CPAMD8: variants seen among roughly 807,000 people sequenced by gnomAD.
CPAMD8 encodes C3 and PZP like alpha-2-macroglobulin domain containing 8, also known as C3 and PZP-like alpha-2-macroglobulin domain-containing protein 8.
Under a neutral mutation model 224.7 loss-of-function variants are expected in CPAMD8, and 146 were observed. The observed-to-expected ratio is 0.65, with a 90% CI of 0.57 to 0.75. The LOEUF (loss-of-function observed/expected upper bound fraction) is 0.75, where lower values mean the gene tolerates loss of function less well. Ranked by LOEUF, CPAMD8 falls within the 30% of genes least tolerant of loss-of-function variation. The pLI, the probability that CPAMD8 is intolerant of heterozygous loss-of-function variation, is 0.00. For missense variants in CPAMD8, 2,301 were observed against 2,537.5 expected, an observed-to-expected ratio of 0.91 and a Z score of 2.00; for synonymous variants, 966 against 1,044.6, an observed-to-expected ratio of 0.92 and a Z score of 1.45.
intron 17 of CPAMD8, among the ~76,000 whole-genome samples, chr19:16,973,560 G>C (rs1417762018): frequency 1.3e-5 from 2 of 151,980 alleles, no homozygotes; most frequent in Admixed American, 1.3e-4. Flanking sequence ...TGTTGGCCAG[G>C]CTGGTCTCGA....
chr19:17,009,197 C>G, intron 6 of CPAMD8, 106 bp downstream of exon 6: 1 of 1,589,192 alleles, frequency 6.3e-7, no homozygotes, highest in Non-Finnish European at 8.6e-7. Context: ...TAAGGCACAG[C>G]GGCTCAACCC....
At chr19:16,901,330 G>C (rs1215834848) in intron 35 of CPAMD8, 33 bp from the exon 36 acceptor site, 1 of 1,428,538 alleles carries the variant, frequency 7.0e-7, no homozygotes, top group Non-Finnish European at 9.8e-7. Context: ...AGAGGCCCTA[G>C]AGCTCAAGCC....
chr19:16,939,902 T>A (rs4337413), intron 22 of CPAMD8, among the ~76,000 whole-genome samples: 1 of 151,558 alleles, frequency 6.6e-6, no homozygotes, highest in Admixed American at 6.6e-5. Flanking sequence ...TTGTTTTGGG[T>A]TTTTTTTGTT....
intron 25 of CPAMD8, among the ~76,000 whole-genome samples, chr19:16,925,636 T>C (rs1027112539): frequency 6.6e-6 from 1 of 152,224 alleles, no homozygotes; most frequent in Admixed American, 6.5e-5. Flanking sequence ...TTTCCCTCCC[T>C]GGCTTTTAAA....
In CPAMD8 at chr19:16,898,142, T is replaced by TAC; in HGVS notation, c.4849-149_4849-148insGT. On this transcript the variant is annotated intron_variant, in intron 37 of 41. Transcript: ENST00000443236. The surrounding 1 kb of genome is among the most constrained non-coding windows in gnomAD (Gnocchi z 4.2). Reference sequence around the variant, plus strand: ...CCCATTTTCTTTTTTTCTTTTACTTTTCTTTTTTTTTTTTTTTCCTGAGAC... The same window carrying TAC: ...CCCATTTTCTTTTTTTCTTTTACTTTACTCTTTTTTTTTTTTTTTCCTGAGAC... The TAC allele has an allele frequency of 6.7e-6, 4 of 593,154 alleles. No individual in the cohort carries two copies. In the South Asian group the frequency reaches 8.5e-5, roughly 13 times the overall value. 36.7% of individuals were successfully genotyped at this position (593,154 alleles called of 1,614,324 possible).
chr19:16,948,088 GCA>G (rs2054166813), intron 20 of CPAMD8, among the ~76,000 whole-genome samples: 2 of 152,220 alleles, frequency 1.3e-5, no homozygotes, highest in African/African-American at 4.8e-5. Context: ...GTGTGCATGT[GCA>G]TTGTGGGTGC....
chr19:16,948,898 GA>G (rs1181022696), intron 20 of CPAMD8, among the ~76,000 whole-genome samples: 1 of 80,202 alleles, frequency 1.2e-5, no homozygotes, highest in Non-Finnish European at 2.4e-5. Flanking sequence ...GAAGGGAAGG[GA>G]AGGGAAGGGA....
At chr19:16,936,129 T>C (rs1019714223) in intron 23 of CPAMD8, among the ~76,000 whole-genome samples, 2 of 151,996 alleles carry the variant, frequency 1.3e-5, no homozygotes, top group African/African-American at 4.8e-5. Flanking sequence ...GGTCTCATCA[T>C]GTTGGCCAGG....
chr19:16,949,782 G>T (rs184924752), intron 20 of CPAMD8, among the ~76,000 whole-genome samples: 1 of 152,104 alleles, frequency 6.6e-6, no homozygotes, highest in African/African-American at 2.4e-5. Flanking sequence ...TGCCCTTCCC[G>T]CCCCGATGCC....
In CPAMD8 at chr19:16,896,442, G is replaced by A. The variant is rs2051994496; in HGVS notation, c.5275+14C>T. On this transcript the variant is annotated intron_variant, in intron 40 of 41. Transcript: ENST00000443236. ...ATGGTGTCCCCGAGGCTAGGCGGGG[G>A]GTAGGGTCCTCACCGAGGGCGCAGC... 15 of 1,460,648 alleles carry A rather than the reference G, an allele frequency of 1.0e-5. No individual in the cohort carries two copies. Among genetic ancestry groups the A allele is most frequent in the Non-Finnish European group, 1.4e-5 (15 of 1,109,908 alleles). The allele number at this position is 1,460,648 out of a possible 1,614,324, so 90.5% of individuals were successfully genotyped here. A position where few individuals can be genotyped will look rare whatever the true frequency, so the allele number is the denominator to read the frequency against.
In CPAMD8 at chr19:16,997,191, C is replaced by A. The variant is rs369985652; in HGVS notation, c.1015G>T (p.Val339Leu). 1.0e-5 allele frequency: 16 copies of A among 1,584,468 alleles called. No homozygotes were observed. The African/African-American group carries it at 1.6e-4, about 16-fold the overall frequency. The change falls in exon 11 of 42, where the codon GTG becomes TTG. Residue 339 changes from valine (V) to leucine (L), a missense_variant. Physicochemically the swap from Val to Leu is conservative, Grantham distance 32 (BLOSUM62 1). Coordinates refer to ENST00000443236, the MANE Select transcript of CPAMD8 (RefSeq NM_015692.5). ...QQVAFDDSTP[V>L]QRQLVDIRYS... ...CGGATGTCCACCAGCTGCCTCTGCACGGGGGTGGAGTCATCGAACGCGACC... is the reference window on the plus strand; with the variant it reads ...CGGATGTCCACCAGCTGCCTCTGCAAGGGGGTGGAGTCATCGAACGCGACC...
At chr19:16,998,661 T>C (rs747031497) in intron 10 of CPAMD8, among the ~76,000 whole-genome samples, 17 of 152,116 alleles carry the variant, frequency 1.1e-4, no homozygotes, top group Non-Finnish European at 2.5e-4. Flanking sequence ...GGGTGTCTGT[T>C]GTACTGTAGC....
intron 27 of CPAMD8, among the ~76,000 whole-genome samples, chr19:16,918,603 C>T (rs1479843738): frequency 3.3e-5 from 5 of 151,906 alleles, no homozygotes; most frequent in African/African-American, 7.2e-5. Context: ...TGTACCACCA[C>T]GCCCAGCTTA....
At chr19:16,901,447 G>A in intron 35 of CPAMD8, 150 bp from the exon 36 acceptor site, 1 of 670,176 alleles carries the variant, frequency 1.5e-6, no homozygotes, top group Non-Finnish European at 2.7e-6. Flanking sequence ...ACACATCCTT[G>A]GCTCGGTCAA....
rs555435810 is a variant in CPAMD8 at position 16,973,823 on chromosome 19, A to G, written c.2070+1274T>C. Among the ~76,000 whole-genome samples the G allele has an allele frequency of 2.2e-3, 319 of 142,568 alleles. 2 individuals are homozygous for G. The East Asian group carries it at 0.03, about 13-fold the overall frequency. The allele number at this position is 142,568 out of a possible 152,430, so 93.5% of individuals were successfully genotyped here. A position where few individuals can be genotyped will look rare whatever the true frequency, so the allele number is the denominator to read the frequency against. ...CCAGAGATGGGCACCTGATAGCATT[A>G]GCCCTTTTTTTTTTTTTTTTTTTTT... On this transcript the variant is annotated intron_variant, in intron 17 of 41. Coordinates refer to ENST00000443236, the MANE Select transcript of CPAMD8 (RefSeq NM_015692.5).
At chr19:17,003,952 G>A (rs1300610243) in intron 8 of CPAMD8, among the ~76,000 whole-genome samples, 2 of 151,160 alleles carry the variant, frequency 1.3e-5, no homozygotes, top group Non-Finnish European at 2.9e-5. Flanking sequence ...TGTCGCCCAG[G>A]CTGGAGCGCA....
chr19:16,996,781 T>C (rs2056137724), intron 11 of CPAMD8, among the ~76,000 whole-genome samples: 1 of 142,610 alleles, frequency 7.0e-6, no homozygotes, highest in Admixed American at 7.3e-5. Flanking sequence ...ATGGAGCCAC[T>C]GCACTCCAGC....
chr19:16,897,924 G>A lies in CPAMD8; in HGVS notation c.4919C>T (p.Ala1640Val). Residue 1640 changes from alanine to valine, a missense_variant, in exon 38 of 42, where the codon GCG (alanine) becomes GTG (valine). Around this residue, in one of 4 missense-constraint regions of CPAMD8, gnomAD observed 1,709 missense variants for 1,753.2 expected, o/e 0.97. Coordinates refer to ENST00000443236, the MANE Select transcript of CPAMD8 (RefSeq NM_015692.5). ...GTAGTCGTACACGGAGACTGGCAGCGCCGACGTCCTGCCCACCACGCACTC... is the reference window on the plus strand; with the variant it reads ...GTAGTCGTACACGGAGACTGGCAGCACCGACGTCCTGCCCACCACGCACTC... ...LRECVVGRTSALPVSVYDYYE... is the reference protein window; with the variant it reads ...LRECVVGRTSVLPVSVYDYYE... 6.2e-7 allele frequency: 1 copy of A among 1,610,522 alleles called. No homozygotes were observed. The highest frequency in any genetic ancestry group is 8.5e-7 in the Non-Finnish European group (1 of 1,179,198).
chr19:16,981,699 C>T (rs775009180), intron 13 of CPAMD8, among the ~76,000 whole-genome samples: 2 of 152,202 alleles, frequency 1.3e-5, no homozygotes, highest in African/African-American at 2.4e-5. Flanking sequence ...CTAGGAATCC[C>T]GCCTCTGTTC....
Sources: gnomAD v4.1 joint callset for allele counts (sites outside exome capture counted in the v4.1 genomes callset) on GRCh38, gnomAD v4.1.1 for gene constraint, gnomAD v4.1.1 regional missense constraint, Gnocchi (gnomAD v3.1) non-coding constraint, MANE v1.5 for transcripts, NCBI Gene and HGNC (gene_info 2026-07-23, HGNC 2026-07-21) for gene names.